CLNK: variants seen among roughly 807,000 people sequenced by gnomAD.
CLNK encodes the protein cytokine-dependent hematopoietic cell linker.
A neutral mutation model predicts 68.6 loss-of-function variants in CLNK; 74 were observed. The observed-to-expected ratio is 1.08, with a 90% CI of 0.89 to 1.31. The LOEUF (loss-of-function observed/expected upper bound fraction) is 1.31, where lower values mean the gene tolerates loss of function less well. CLNK is among the 50% of genes most tolerant of loss of function. CLNK has a pLI of 0.00. For missense variants in CLNK, 553 were observed against 515.3 expected, an observed-to-expected ratio of 1.07 and a Z score of -0.71; for synonymous variants, 198 against 172.2, an observed-to-expected ratio of 1.15 and a Z score of -1.17.
At chr4:10,719,201 G>A in the CLNK span, among the ~76,000 whole-genome samples, 1 of 152,056 alleles carries the variant, frequency 6.6e-6, no homozygotes, top group African/African-American at 2.4e-5. Flanking sequence ...TAACGTATCA[G>A]TAGTCATACT....
intron 8 of CLNK, among the ~76,000 whole-genome samples, chr4:10,545,947 A>G (rs986790964): frequency 6.6e-6 from 1 of 152,188 alleles, no homozygotes; most frequent in Non-Finnish European, 1.5e-5. Flanking sequence ...TAGGAAGCAG[A>G]GTCCCAGGGT....
At chr4:10,554,380 T>C (rs1451660660) in intron 8 of CLNK, among the ~76,000 whole-genome samples, 1 of 152,234 alleles carries the variant, frequency 6.6e-6, no homozygotes, top group African/African-American at 2.4e-5. Flanking sequence ...GAATTATTAT[T>C]TGGGGGATAG....
intron 2 of CLNK, among the ~76,000 whole-genome samples, chr4:10,615,882 C>T (rs914151413): frequency 2.0e-5 from 3 of 152,156 alleles, no homozygotes; most frequent in African/African-American, 7.2e-5. Flanking sequence ...CAATGTCAGA[C>T]CTGCATGGAG....
At chr4:10,577,675 T>C (rs1720619870) in intron 4 of CLNK, among the ~76,000 whole-genome samples, 1 of 151,464 alleles carries the variant, frequency 6.6e-6, no homozygotes, top group Non-Finnish European at 1.5e-5. Flanking sequence ...TTAAGGCCAG[T>C]ACAAGGGAGG....
At chr4:10,593,299 C>T (rs1721253347) in intron 3 of CLNK, among the ~76,000 whole-genome samples, 1 of 151,980 alleles carries the variant, frequency 6.6e-6, no homozygotes, top group South Asian at 2.1e-4. Context: ...TTATGGCCAG[C>T]AGGTTCCTGG....
At position 10,607,518 on chromosome 4, in the gene CLNK, T is replaced by A. The variant is rs550989772; in HGVS notation, c.12-9469A>T. Among the ~76,000 whole-genome samples, 17 of 152,324 alleles carry A rather than the reference T, an allele frequency of 1.1e-4. No individual in the cohort carries two copies. The South Asian group carries it at 3.5e-3, about 32-fold the overall frequency. ...ACTCAGAGATTGTAATCCTATAAAG[T>A]ACAGTATCTCCTTGTGCCTTTGCAT... is the stretch of plus-strand genomic sequence containing the variant. On this transcript the variant is annotated intron_variant, in intron 2 of 18. Transcript: ENST00000226951.
At chr4:10,598,520 T>C (rs1203920674) in intron 2 of CLNK, among the ~76,000 whole-genome samples, 3 of 152,226 alleles carry the variant, frequency 2.0e-5, no homozygotes, top group African/African-American at 4.8e-5. Context: ...TTCATAAAAA[T>C]CTAGCAAACA....
rs1408770005 is a variant in CLNK, at chr4:10,578,952, C to CTTT, written c.112+5974_112+5975insAAA. Among the ~76,000 whole-genome samples, 6 of 152,326 alleles carry CTTT rather than the reference C, an allele frequency of 3.9e-5. No homozygotes were observed. In the East Asian group the frequency reaches 9.6e-4, roughly 24 times the overall value. On this transcript the variant is annotated intron_variant, in intron 4 of 18. Transcript: ENST00000226951. ...AGATAAGTTTATAAAGTGCCAGGCA[C>CTTT]AAACTGGTGACTCCATGTATGTGAA...
intron 2 of CLNK, among the ~76,000 whole-genome samples, chr4:10,639,059 A>T (rs1292345813): frequency 6.6e-6 from 1 of 152,206 alleles, no homozygotes; most frequent in African/African-American, 2.4e-5. Flanking sequence ...GGCTCATATC[A>T]GACGCCTTCC....
intron 2 of CLNK, among the ~76,000 whole-genome samples, chr4:10,644,102 T>A (rs1560259205): frequency 1.3e-5 from 2 of 152,220 alleles, no homozygotes; most frequent in Non-Finnish European, 2.9e-5. Flanking sequence ...GTATGGCTCA[T>A]ACTGAGGGGC....
At chr4:10,619,340 C>CG (rs914602432) in intron 2 of CLNK, among the ~76,000 whole-genome samples, 1 of 152,162 alleles carries the variant, frequency 6.6e-6, no homozygotes, top group African/African-American at 2.4e-5. Flanking sequence ...GTTTTTAAAC[C>CG]GGTCAGACTC....
chr4:10,518,244 T>C (rs1717920300), intron 15 of CLNK, among the ~76,000 whole-genome samples: 1 of 152,160 alleles, frequency 6.6e-6, no homozygotes, highest in Admixed American at 6.5e-5. Flanking sequence ...AAAATTCTTA[T>C]GCATTATAGA....
At chr4:10,577,563 G>A (rs1009154491) in intron 4 of CLNK, among the ~76,000 whole-genome samples, 1 of 152,176 alleles carries the variant, frequency 6.6e-6, no homozygotes, top group Non-Finnish European at 1.5e-5. Flanking sequence ...AGAATTTCCA[G>A]GATACTCCCT....
chr4:10,632,526 G>T (rs1276659531), intron 2 of CLNK, among the ~76,000 whole-genome samples: 2 of 152,240 alleles, frequency 1.3e-5, no homozygotes, highest in African/African-American at 4.8e-5. Flanking sequence ...TTCATTTCCT[G>T]TACTAAGTTG....
At chr4:10,604,941 G>T (rs1415388561) in intron 2 of CLNK, among the ~76,000 whole-genome samples, 1 of 152,208 alleles carries the variant, frequency 6.6e-6, no homozygotes, top group Non-Finnish European at 1.5e-5. Flanking sequence ...TAAATCAGTA[G>T]ATTTTGACTA....
intron 2 of CLNK, among the ~76,000 whole-genome samples, chr4:10,607,415 A>G (rs981461496): frequency 1.3e-5 from 2 of 152,194 alleles, no homozygotes; most frequent in Non-Finnish European, 2.9e-5. Flanking sequence ...GTTTCAATGA[A>G]CGCATGCCTT....
intron 2 of CLNK, among the ~76,000 whole-genome samples, chr4:10,643,146 T>C (rs1271418039): frequency 2.6e-5 from 4 of 152,202 alleles, no homozygotes; most frequent in Non-Finnish European, 5.9e-5. Flanking sequence ...TTCTAAATTA[T>C]GTCACCTGGA....
rs1445096967 is a variant in CLNK at position 10,598,061 on chromosome 4, G to C, written c.12-12C>G. 6.5e-7 allele frequency: 1 copy of C among 1,549,518 alleles called. No individual in the cohort carries two copies. Among genetic ancestry groups the C allele is most frequent in the South Asian group, 1.2e-5 (1 of 83,506 alleles). ...TCTTTCTATTGCCCCTGGGATGAAA[G>C]AAAATAAATTATAGCTGGGAAATAG... is the stretch of plus-strand genomic sequence containing the variant. On this transcript the variant is annotated splice_polypyrimidine_tract_variant and intron_variant, in intron 2 of 18. Coordinates refer to ENST00000226951, the MANE Select transcript of CLNK (RefSeq NM_052964.4).
the CLNK span, among the ~76,000 whole-genome samples, chr4:10,734,336 C>T: frequency 2.0e-5 from 3 of 152,188 alleles, no homozygotes; most frequent in African/African-American, 7.2e-5. Flanking sequence ...CACATATCTC[C>T]TCTCACAACA....
Sources: allele counts gnomAD v4.1 joint callset (sites outside exome capture counted in the v4.1 genomes callset), GRCh38; gene constraint gnomAD v4.1.1; transcripts MANE v1.5; gene names NCBI Gene and HGNC (gene_info 2026-07-23, HGNC 2026-07-21).